LAPTM4B: variants seen among roughly 807,000 people sequenced by gnomAD.
LAPTM4B encodes lysosomal-associated transmembrane protein 4B.
A neutral mutation model predicts 28.5 loss-of-function variants in LAPTM4B; 26 were observed. That is an observed-to-expected ratio of 0.91 (90% CI 0.67 to 1.27). LAPTM4B has a LOEUF of 1.27. Ranked by LOEUF, LAPTM4B falls within the 50% of genes most tolerant of loss-of-function variation. The pLI, the probability that LAPTM4B is intolerant of heterozygous loss-of-function variation, is 0.00. For missense variants in LAPTM4B, 288 were observed against 285.8 expected (o/e 1.01, Z -0.06); for synonymous variants, 109 against 106.4 (o/e 1.02, Z -0.15).
At chr8:97,825,965 T>A (rs1049928035) in intron 6 of LAPTM4B, among the ~76,000 whole-genome samples, 1 of 152,148 alleles carries the variant, frequency 6.6e-6, no homozygotes, top group African/African-American at 2.4e-5. Context: ...AACACATAAA[T>A]GGTAGGACGT....
chr8:97,807,206 T>C (rs1164279267), intron 2 of LAPTM4B, among the ~76,000 whole-genome samples: 1 of 152,184 alleles, frequency 6.6e-6, no homozygotes, highest in Admixed American at 6.5e-5. Flanking sequence ...TGACTTATCA[T>C]TGTGTGCCTC....
In LAPTM4B at chr8:97,783,057, G is replaced by A. The variant is rs1299037020; in HGVS notation, c.99+6949G>A. On this transcript the variant is annotated intron_variant, in intron 1 of 6. Coordinates refer to ENST00000521545, the MANE Select transcript of LAPTM4B (RefSeq NM_018407.6). ...CAAAGTGTTGGGATTACAAGTGTGA[G>A]CCACCGCGCCCGGCCTTTTTTTTTT... Among the ~76,000 whole-genome samples the A allele has an allele frequency of 2.1e-5, 3 of 143,660 alleles. No homozygotes were observed. The Admixed American group carries it at 2.1e-4, about 10-fold the overall frequency. 94.2% of individuals were successfully genotyped at this position (143,660 alleles called of 152,430 possible).
At chr8:97,830,500 A>G (rs775846262) in intron 6 of LAPTM4B, among the ~76,000 whole-genome samples, 12 of 152,214 alleles carry the variant, frequency 7.9e-5, no homozygotes, top group Non-Finnish European at 1.6e-4. Context: ...CTAGGTAGAC[A>G]TTAAGTAGTG....
At position 97,800,484 on chromosome 8, in the gene LAPTM4B, C is replaced by CTTTTTTTTTTTTTTTTT. The variant is rs546425169; in HGVS notation, c.100-4858_100-4842dup. ...CTTCTGTAATATTACCCCTTGACCT[C>CTTTTTTTTTTTTTTTTT]TTTTTTTTTTTTTTTTTTTTTTTTT... On this transcript the variant is annotated intron_variant, in intron 1 of 6. Coordinates refer to ENST00000521545, the MANE Select transcript of LAPTM4B (RefSeq NM_018407.6). Among the ~76,000 whole-genome samples, 24 of 69,322 alleles carry CTTTTTTTTTTTTTTTTT rather than the reference C, an allele frequency of 3.5e-4. 1 individual carries two copies. Among genetic ancestry groups the CTTTTTTTTTTTTTTTTT allele is most frequent in the African/African-American group, 1.7e-3 (23 of 13,388 alleles). The allele number at this position is 69,322 out of a possible 152,430, so 45.5% of individuals were successfully genotyped here. A position where few individuals can be genotyped will look rare whatever the true frequency, so the allele number is the denominator to read the frequency against.
intron 2 of LAPTM4B, among the ~76,000 whole-genome samples, chr8:97,806,012 A>G (rs987990130): frequency 5.9e-5 from 9 of 152,180 alleles, no homozygotes; most frequent in Non-Finnish European, 1.3e-4. Context: ...AGTCCATGCC[A>G]AAGGAGAGGA....
chr8:97,795,380 C>T (rs1816565645), intron 1 of LAPTM4B, among the ~76,000 whole-genome samples: 1 of 152,084 alleles, frequency 6.6e-6, no homozygotes, highest in Non-Finnish European at 1.5e-5. Flanking sequence ...GAGTAAGCCA[C>T]CCACACCTGG....
At chr8:97,801,856 A>G (rs1816688727) in intron 1 of LAPTM4B, among the ~76,000 whole-genome samples, 1 of 151,914 alleles carries the variant, frequency 6.6e-6, no homozygotes, top group African/African-American at 2.4e-5. Flanking sequence ...AAAAAAAAAA[A>G]AAAAAGTATA....
intron 5 of LAPTM4B, among the ~76,000 whole-genome samples, chr8:97,821,614 C>T (rs1352195701): frequency 6.6e-6 from 1 of 151,708 alleles, no homozygotes; most frequent in Non-Finnish European, 1.5e-5. Context: ...GACGGTTTTG[C>T]ATATGCTCTG....
intron 2 of LAPTM4B, among the ~76,000 whole-genome samples, chr8:97,813,528 A>G (rs1816858955): frequency 6.6e-6 from 1 of 152,234 alleles, no homozygotes; most frequent in Non-Finnish European, 1.5e-5. Flanking sequence ...CCCAGGAACA[A>G]TACTTTGCAT....
At chr8:97,821,134 G>A (rs1393625393) in intron 5 of LAPTM4B, among the ~76,000 whole-genome samples, 3 of 151,738 alleles carry the variant, frequency 2.0e-5, no homozygotes, top group Admixed American at 6.6e-5. Context: ...TCAGGAGATC[G>A]AGACCATCCT....
At chr8:97,800,523 T>C (rs1355022317) in intron 1 of LAPTM4B, among the ~76,000 whole-genome samples, 1 of 141,666 alleles carries the variant, frequency 7.1e-6, no homozygotes, top group Non-Finnish European at 1.5e-5. Flanking sequence ...GAGATGGAGT[T>C]TTCGCTTTTG....
At chr8:97,845,955 C>T (rs1283065842) in intron 6 of LAPTM4B, among the ~76,000 whole-genome samples, 2 of 131,768 alleles carry the variant, frequency 1.5e-5, no homozygotes, top group East Asian at 2.6e-4. Context: ...TGCAGTGGTA[C>T]GATCGTGTTT....
intron 6 of LAPTM4B, among the ~76,000 whole-genome samples, chr8:97,835,714 G>GC (rs1443687002): frequency 6.6e-6 from 1 of 152,184 alleles, no homozygotes. Flanking sequence ...GTGCCTTGGA[G>GC]CCCCCTTTCT....
At chr8:97,850,740 C>A (rs1817511406) in intron 6 of LAPTM4B, among the ~76,000 whole-genome samples, 1 of 146,592 alleles carries the variant, frequency 6.8e-6, no homozygotes, top group South Asian at 2.2e-4. Context: ...CAGGGACTGT[C>A]TTTTGTCTCA....
chr8:97,796,895 G>A (rs1195995600), intron 1 of LAPTM4B, among the ~76,000 whole-genome samples: 3 of 152,154 alleles, frequency 2.0e-5, no homozygotes, highest in Non-Finnish European at 4.4e-5. Flanking sequence ...AGCTGAGATT[G>A]TGCCATTGCA....
chr8:97,776,115 G>A lies in LAPTM4B; in HGVS notation c.99+7G>A, dbSNP rs1816208049. On this transcript the variant is annotated splice_region_variant and intron_variant, in intron 1 of 6. Coordinates refer to ENST00000521545, the MANE Select transcript of LAPTM4B (RefSeq NM_018407.6). Reference sequence around the variant, plus strand: ...GCTCGGCGTCTGGTATCTGGTGAGCGCGGCGCGCCCGGCCCGGGACCCTGC... The same window carrying A: ...GCTCGGCGTCTGGTATCTGGTGAGCACGGCGCGCCCGGCCCGGGACCCTGC... The A allele has an allele frequency of 1.3e-6, 2 of 1,497,232 alleles. No homozygotes were observed. The highest frequency in any genetic ancestry group is 9.1e-7 in the Non-Finnish European group (1 of 1,103,176). 92.7% of individuals were successfully genotyped at this position (1,497,232 alleles called of 1,614,324 possible).
chr8:97,821,051 A>C (rs1188003813), intron 5 of LAPTM4B, among the ~76,000 whole-genome samples: 1 of 150,890 alleles, frequency 6.6e-6, no homozygotes, highest in African/African-American at 2.4e-5. Context: ...TTAAAAAATA[A>C]ATAAGGCCGG....
intron 1 of LAPTM4B, among the ~76,000 whole-genome samples, chr8:97,798,291 T>C (rs929591203): frequency 1.1e-4 from 16 of 152,254 alleles, no homozygotes; most frequent in Non-Finnish European, 1.9e-4. Context: ...CAGACATAGG[T>C]CCTCATGGCT....
chr8:97,811,428 G>C (rs1325254615), intron 2 of LAPTM4B, among the ~76,000 whole-genome samples: 1 of 152,240 alleles, frequency 6.6e-6, no homozygotes, highest in East Asian at 1.9e-4. Context: ...GAAGCAATCA[G>C]AGATGAAATG....
Sources: allele counts gnomAD v4.1 joint callset (sites outside exome capture counted in the v4.1 genomes callset), GRCh38; gene constraint gnomAD v4.1.1; transcripts MANE v1.5; gene names NCBI Gene and HGNC (gene_info 2026-07-23, HGNC 2026-07-21).